The following CCSER1 variants were observed in gnomAD, a reference collection of about 807,000 sequenced individuals.
The protein encoded by CCSER1 is coiled-coil serine rich protein 1.
A neutral mutation model predicts 82.0 loss-of-function variants in CCSER1; 41 were observed. The observed-to-expected ratio is 0.50, with a 90% confidence interval of 0.39 to 0.65. CCSER1 has a LOEUF of 0.65. CCSER1 is among the 30% of genes least tolerant of loss of function. The pLI is 0.00. For synonymous variants in CCSER1, 414 were observed against 383.9 expected (o/e 1.08, Z -0.92); for missense variants, 1,119 against 1,064.2 (o/e 1.05, Z -0.72).
rs1487976722 is a variant in CCSER1, at chr4:91,603,498, T to G, written c.*4441T>G. 6.6e-6 allele frequency: 1 copy of G among 152,038 alleles called. No homozygotes were observed. The highest frequency in any genetic ancestry group is 2.4e-5 in the African/African-American group (1 of 41,426). 9.4% of individuals were successfully genotyped at this position (152,038 alleles called of 1,614,324 possible). Reference sequence around the variant, plus strand: ...GAGAATTTCCTACAAATAGTTAAGGTGAAATAAAATCATTAATAGAGAGTA... The same window carrying G: ...GAGAATTTCCTACAAATAGTTAAGGGGAAATAAAATCATTAATAGAGAGTA... On this transcript the variant is annotated 3_prime_UTR_variant, in exon 11 of 11. Coordinates refer to ENST00000509176, the MANE Select transcript of CCSER1 (RefSeq NM_001145065.2).
intron 8 of CCSER1, among the ~76,000 whole-genome samples, chr4:90,914,349 A>C (rs1327132946): frequency 6.6e-6 from 1 of 152,170 alleles, no homozygotes; most frequent in Non-Finnish European, 1.5e-5. Context: ...ATCACTCAAA[A>C]CCGCTCAACT....
At chr4:90,735,239 G>C (rs1328767677) in intron 7 of CCSER1, among the ~76,000 whole-genome samples, 1 of 152,018 alleles carries the variant, frequency 6.6e-6, no homozygotes, top group South Asian at 2.1e-4. Context: ...GTGTTGTTGA[G>C]TATATTTGCA....
At chr4:91,385,269 A>G (rs1751209916) in intron 10 of CCSER1, among the ~76,000 whole-genome samples, 1 of 152,190 alleles carries the variant, frequency 6.6e-6, no homozygotes, top group Non-Finnish European at 1.5e-5. Flanking sequence ...TATGAAAGGT[A>G]TGGGGTGATT....
At chr4:90,689,865 C>A (rs559190135) in intron 6 of CCSER1, among the ~76,000 whole-genome samples, 87 of 152,196 alleles carry the variant, frequency 5.7e-4, no homozygotes, top group African/African-American at 1.7e-3. Flanking sequence ...TTTTATACTC[C>A]TGTTAGCCAG....
At chr4:91,362,076 TGA>T (rs1285260733) in intron 10 of CCSER1, among the ~76,000 whole-genome samples, 1 of 151,764 alleles carries the variant, frequency 6.6e-6, no homozygotes, top group African/African-American at 2.4e-5. Flanking sequence ...GGGACATATT[TGA>T]GAGACTGCAA....
intron 8 of CCSER1, among the ~76,000 whole-genome samples, chr4:90,889,795 C>T (rs1383351511): frequency 6.6e-6 from 1 of 152,070 alleles, no homozygotes; most frequent in Non-Finnish European, 1.5e-5. Context: ...TATATATTTG[C>T]ACACATATAA....
intron 5 of CCSER1, among the ~76,000 whole-genome samples, chr4:90,511,311 G>A (rs569138117): frequency 5.9e-5 from 9 of 152,188 alleles, no homozygotes; most frequent in South Asian, 4.2e-4. Context: ...CCAGCTACTC[G>A]GGAGGCTGAG....
chr4:90,334,182 A>G (rs2153499544), intron 3 of CCSER1, among the ~76,000 whole-genome samples: 1 of 152,230 alleles, frequency 6.6e-6, no homozygotes, highest in South Asian at 2.1e-4. Context: ...GTATTTCAGT[A>G]AGGCAGGAGA....
At chr4:91,302,417 A>T (rs1744737010) in intron 10 of CCSER1, among the ~76,000 whole-genome samples, 1 of 152,014 alleles carries the variant, frequency 6.6e-6, no homozygotes, top group Non-Finnish European at 1.5e-5. Context: ...TTTCTACTGC[A>T]TCTACTTTCA....
At chr4:90,972,923 C>G (rs1735256236) in intron 9 of CCSER1, among the ~76,000 whole-genome samples, 2 of 151,742 alleles carry the variant, frequency 1.3e-5, no homozygotes, top group African/African-American at 2.4e-5. Flanking sequence ...AAGGAATAGT[C>G]TCTTCAATAA....
chr4:90,173,127 A>C (rs958663038), intron 1 of CCSER1, among the ~76,000 whole-genome samples: 3 of 151,782 alleles, frequency 2.0e-5, no homozygotes, highest in Non-Finnish European at 4.4e-5. Context: ...CAGGACAGAC[A>C]ATCTGCTGAG....
chr4:91,177,035 T>C (rs1733461824), intron 10 of CCSER1, among the ~76,000 whole-genome samples: 1 of 152,194 alleles, frequency 6.6e-6, no homozygotes, highest in Admixed American at 6.5e-5. Context: ...TGAAGGGCTG[T>C]TGAATTTTGT....
intron 1 of CCSER1, among the ~76,000 whole-genome samples, chr4:90,206,660 TG>T (rs1393074362): frequency 1.4e-4 from 21 of 151,934 alleles, no homozygotes; most frequent in African/African-American, 4.8e-4. Context: ...CTGAGAAGAA[TG>T]TATATTCTGT....
At chr4:90,394,666 T>A (rs1751705119) in intron 3 of CCSER1, among the ~76,000 whole-genome samples, 1 of 152,198 alleles carries the variant, frequency 6.6e-6, no homozygotes, top group Non-Finnish European at 1.5e-5. Flanking sequence ...AAGTAAATTC[T>A]TTCCAGTGTG....
chr4:90,340,306 C>T (rs1741161651), intron 3 of CCSER1, among the ~76,000 whole-genome samples: 1 of 152,076 alleles, frequency 6.6e-6, no homozygotes, highest in South Asian at 2.1e-4. Context: ...TATTCTAAAG[C>T]GTTGATTTAC....
At chr4:90,487,318 T>C (rs1176125263) in intron 5 of CCSER1, among the ~76,000 whole-genome samples, 1 of 152,244 alleles carries the variant, frequency 6.6e-6, no homozygotes, top group Non-Finnish European at 1.5e-5. Flanking sequence ...CTTTTGTTTT[T>C]AGTTGTCTGA....
chr4:91,056,629 G>A (rs1165384908), intron 9 of CCSER1, among the ~76,000 whole-genome samples: 1 of 152,150 alleles, frequency 6.6e-6, no homozygotes, highest in Non-Finnish European at 1.5e-5. Flanking sequence ...TTTGGGTGGA[G>A]ACATTCAGAT....
At chr4:91,335,293 AC>A (rs1416575891) in intron 10 of CCSER1, among the ~76,000 whole-genome samples, 1 of 152,052 alleles carries the variant, frequency 6.6e-6, no homozygotes, top group African/African-American at 2.4e-5. Flanking sequence ...CCACGCTATC[AC>A]AGACTAAGCA....
intron 8 of CCSER1, among the ~76,000 whole-genome samples, chr4:90,819,312 G>A (rs550562421): frequency 3.3e-5 from 5 of 152,166 alleles, no homozygotes; most frequent in Admixed American, 2.6e-4. Context: ...TCATCACGCC[G>A]GGAGTCAGGG....
Sources: gnomAD v4.1 joint callset for allele counts (sites outside exome capture counted in the v4.1 genomes callset) on GRCh38, gnomAD v4.1.1 for gene constraint, MANE v1.5 for transcripts, NCBI Gene and HGNC (gene_info 2026-07-23, HGNC 2026-07-21) for gene names.